Variants in PPARGC1B observed in about 807,000 individuals in gnomAD.
The protein encoded by PPARGC1B is peroxisome proliferator-activated receptor gamma coactivator 1-beta.
A neutral mutation model predicts 101.6 loss-of-function variants in PPARGC1B; 34 were observed. The ratio of observed to expected loss-of-function variants is 0.33; its 90% CI spans 0.25 to 0.45. PPARGC1B has a LOEUF of 0.45. Ranked by LOEUF, PPARGC1B falls within the 20% of genes least tolerant of loss-of-function variation. The probability of loss-of-function intolerance (pLI) is 1.00; values close to 1 mark genes in which losing one functional copy is unlikely to be tolerated. For synonymous variants in PPARGC1B, 548 were observed against 539.3 expected, an observed-to-expected ratio of 1.02 and a Z score of -0.22; for missense variants, 1,234 against 1,317.6, an observed-to-expected ratio of 0.94 and a Z score of 0.98.
intron 7 of PPARGC1B, among the ~76,000 whole-genome samples, chr5:149,835,810 A>G (rs1330964743): frequency 6.6e-6 from 1 of 152,082 alleles, no homozygotes; most frequent in Non-Finnish European, 1.5e-5. Context: ...TCACATGCCA[A>G]CTCCAAAGAA....
At chr5:149,742,686 G>A (rs1177772626) in intron 1 of PPARGC1B, among the ~76,000 whole-genome samples, 1 of 152,186 alleles carries the variant, frequency 6.6e-6, no homozygotes. Context: ...TCAACTACCG[G>A]TGAGGTTGGC....
intron 1 of PPARGC1B, among the ~76,000 whole-genome samples, chr5:149,771,514 T>C (rs576547672): frequency 3.9e-4 from 59 of 152,194 alleles, no homozygotes; most frequent in Non-Finnish European, 7.6e-4. Context: ...ATGGAGATAT[T>C]CTAGTCAGGT....
chr5:149,774,998 G>T (rs939292610), intron 1 of PPARGC1B, among the ~76,000 whole-genome samples: 3 of 152,202 alleles, frequency 2.0e-5, no homozygotes, highest in Non-Finnish European at 4.4e-5. Context: ...TGCAGCCACA[G>T]CAGGCAGGGG....
Position 149,845,813 on chromosome 5 carries a change from CTT to C in PPARGC1B, c.2872_2873del (p.Leu958AspfsTer31). On this transcript the variant is annotated frameshift_variant, in exon 11 of 12. Coordinates refer to ENST00000309241, the MANE Select transcript of PPARGC1B (RefSeq NM_133263.4). LOFTEE classifies it high-confidence loss of function. ...CGGTGTTCTGAGCACGCGGCCCTCTCTTTGACAAAGGGCGCTGCCCTGAGGAA... is the reference window on the plus strand; with the variant it reads ...CGGTGTTCTGAGCACGCGGCCCTCTCTGACAAAGGGCGCTGCCCTGAGGAA... 2 of 1,614,156 alleles carry C rather than the reference CTT, an allele frequency of 1.2e-6. No homozygotes were observed. Among genetic ancestry groups the C allele is most frequent in the African/African-American group, 1.3e-5 (1 of 75,072 alleles).
In PPARGC1B at chr5:149,826,817, T is replaced by C; in HGVS notation, c.397T>C (p.Ser133Pro). 1 of 1,613,876 alleles carries C rather than the reference T, an allele frequency of 6.2e-7. No individual in the cohort carries two copies. The highest frequency in any genetic ancestry group is 8.5e-7 in the Non-Finnish European group (1 of 1,179,864). Residue 133 changes from serine (S) to proline (P), a missense_variant, in exon 3 of 12, where the codon TCT becomes CCT. By Grantham distance (74) the Ser-to-Pro change is moderately conservative. This residue lies in a region of PPARGC1B where 734 missense variants were observed against 768.4 expected (regional missense o/e 0.96). Transcript: ENST00000309241. ...SCTSASPAPS[S>P]APPSPAPEKP... ...CACCTCAGCTTCGCCTGCCCCCTCA[T>C]CTGCACCCCCCAGCCCTGCCCCGGA... is the stretch of plus-strand genomic sequence containing the variant.
rs186351774 is a variant in PPARGC1B, at chr5:149,795,649, G to A, written c.79-24784G>A. 8.9e-3 allele frequency among the ~76,000 whole-genome samples: 1,357 copies of A among 152,270 alleles called. 12 individuals carry two copies. Among genetic ancestry groups the A allele is most frequent in the Non-Finnish European group, 0.014 (986 of 68,018 alleles). On this transcript the variant is annotated intron_variant, in intron 1 of 11. Coordinates refer to ENST00000309241, the MANE Select transcript of PPARGC1B (RefSeq NM_133263.4). Reference sequence around the variant, plus strand: ...CAGCCAGCTCCTCAGGGCAGAGGACGCAGGAGGGCGGCAGCTTCTGAGCGG... The same window carrying A: ...CAGCCAGCTCCTCAGGGCAGAGGACACAGGAGGGCGGCAGCTTCTGAGCGG...
In PPARGC1B at chr5:149,820,626, C is replaced by T. The variant is rs767241952; in HGVS notation, c.252+20C>T. On this transcript the variant is annotated intron_variant, in intron 2 of 11. Transcript: ENST00000309241. ...TTCCAGGTATGCCCTTTCCAGTCTC[C>T]CCTCCTCCCACCCTGCCAGGCCTCT... 1.9e-6 allele frequency: 3 copies of T among 1,594,208 alleles called. No homozygotes were observed. Among genetic ancestry groups the T allele is most frequent in the Non-Finnish European group, 2.6e-6 (3 of 1,170,934 alleles).
chr5:149,731,620 T>C (rs116702100), intron 1 of PPARGC1B, among the ~76,000 whole-genome samples: 1,925 of 139,564 alleles, frequency 0.014, 31 homozygotes, highest in African/African-American at 0.048. Flanking sequence ...AAGGCGGAGA[T>C]TGGGGGAGGG....
At chr5:149,741,191 A>G (rs1754891358) in intron 1 of PPARGC1B, among the ~76,000 whole-genome samples, 1 of 152,192 alleles carries the variant, frequency 6.6e-6, no homozygotes, top group Non-Finnish European at 1.5e-5. Context: ...CTGGCAGAAC[A>G]TAGTCATTTA....
chr5:149,836,505 C>G lies in PPARGC1B; in HGVS notation c.2050C>G (p.Pro684Ala), dbSNP rs1353589051. ...AGCCTCCCAGGCTGGCCAGAAGCGT[C>G]CCTTCTCCTGTTCCTTTGGAGACCA... ...QPASQAGQKRPFSCSFGDHDY... is the reference protein window; with the variant it reads ...QPASQAGQKRAFSCSFGDHDY... The change falls in exon 8 of 12, where the codon CCC becomes GCC. Residue 684 changes from proline (P) to alanine (A), a missense_variant. Around this residue, in one of 3 missense-constraint regions of PPARGC1B, gnomAD observed 497 missense variants for 529.5 expected, o/e 0.94. Coordinates refer to ENST00000309241, the MANE Select transcript of PPARGC1B (RefSeq NM_133263.4). 6.8e-6 allele frequency: 11 copies of G among 1,614,114 alleles called. No homozygotes were observed. The highest frequency in any genetic ancestry group is 2.2e-5 in the South Asian group (2 of 91,082).
At chr5:149,741,670 C>G (rs1446589856) in intron 1 of PPARGC1B, among the ~76,000 whole-genome samples, 1 of 151,256 alleles carries the variant, frequency 6.6e-6, no homozygotes, top group African/African-American at 2.4e-5. Flanking sequence ...CCCTGTTGCC[C>G]AGGCTGGAGT....
chr5:149,799,687 GTTGTTGTT>G (rs1757360574), intron 1 of PPARGC1B, among the ~76,000 whole-genome samples: 1 of 85,438 alleles, frequency 1.2e-5, no homozygotes, highest in African/African-American at 4.2e-5. Context: ...TTGTTTGCTT[GTTGTTGTT>G]TTTTTTTTTT....
chr5:149,843,839 G>A (rs148327170), intron 10 of PPARGC1B, among the ~76,000 whole-genome samples: 1 of 152,326 alleles, frequency 6.6e-6, no homozygotes, highest in African/African-American at 2.4e-5. Context: ...TCTGACTCAC[G>A]TCACCACATG....
At chr5:149,749,400 G>C (rs1755207580) in intron 1 of PPARGC1B, among the ~76,000 whole-genome samples, 1 of 152,216 alleles carries the variant, frequency 6.6e-6, no homozygotes, top group Non-Finnish European at 1.5e-5. Flanking sequence ...GGGAATGTGA[G>C]ACTTGTGGCC....
At chr5:149,831,088 C>T (rs1758766216) in intron 4 of PPARGC1B, among the ~76,000 whole-genome samples, 1 of 152,206 alleles carries the variant, frequency 6.6e-6, no homozygotes, top group African/African-American at 2.4e-5. Flanking sequence ...CTTTCTCACA[C>T]TTTAGTGTTC....
chr5:149,742,198 T>A (rs1278864560), intron 1 of PPARGC1B, among the ~76,000 whole-genome samples: 1 of 152,168 alleles, frequency 6.6e-6, no homozygotes, highest in African/African-American at 2.4e-5. Flanking sequence ...AACCCAGAGT[T>A]TGTGGTGCTG....
intron 2 of PPARGC1B, among the ~76,000 whole-genome samples, chr5:149,823,863 A>G (rs1758400089): frequency 6.6e-6 from 1 of 152,186 alleles, no homozygotes; most frequent in Non-Finnish European, 1.5e-5. Flanking sequence ...GACTCATTTC[A>G]GCACCGTGAC....
At position 149,847,454 on chromosome 5, in the gene PPARGC1B, C is replaced by G. The variant is rs1219907832; in HGVS notation, c.2972-4C>G. 2.5e-6 allele frequency: 4 copies of G among 1,612,160 alleles called. No individual in the cohort carries two copies. Among genetic ancestry groups the G allele is most frequent in the Non-Finnish European group, 3.4e-6 (4 of 1,178,222 alleles). On this transcript the variant is annotated splice_polypyrimidine_tract_variant and splice_region_variant and intron_variant, in intron 11 of 11. Coordinates refer to ENST00000309241, the MANE Select transcript of PPARGC1B (RefSeq NM_133263.4). The stretch of plus-strand genomic sequence containing the variant: ...CTTCCCTGCCTCTTCACCCCCATGC[C>G]CAGATTCCAATTCAGAAGAGGCCCT...
At chr5:149,804,223 C>T (rs1029955365) in intron 1 of PPARGC1B, among the ~76,000 whole-genome samples, 3 of 152,214 alleles carry the variant, frequency 2.0e-5, no homozygotes, top group Non-Finnish European at 4.4e-5. Context: ...GCGCCTCCAC[C>T]CCACACCCTC....
Sources: allele counts gnomAD v4.1 joint callset (sites outside exome capture counted in the v4.1 genomes callset), GRCh38; gene constraint gnomAD v4.1.1; regional missense constraint gnomAD v4.1.1; transcripts MANE v1.5; gene names NCBI Gene and HGNC (gene_info 2026-07-23, HGNC 2026-07-21).